RALGPS2: variants seen among roughly 807,000 people sequenced by gnomAD.
RALGPS2 encodes ras-specific guanine nucleotide-releasing factor RalGPS2.
RALGPS2 carries 43 observed loss-of-function variants against 86.8 expected under a neutral mutation model. That is an observed-to-expected ratio of 0.50 (90% CI 0.39 to 0.64). RALGPS2 has a LOEUF of 0.64. Among genes scored for constraint, RALGPS2 ranks in the 30% least tolerant of loss-of-function variants. RALGPS2 has a pLI of 0.00. For missense variants in RALGPS2, 536 were observed against 694.6 expected (o/e 0.77, Z 2.57); for synonymous variants, 243 against 231.3 (o/e 1.05, Z -0.46).
intron 7 of RALGPS2, among the ~76,000 whole-genome samples, chr1:178,824,687 T>C (rs1035155948): frequency 2.0e-5 from 3 of 152,032 alleles, no homozygotes; most frequent in African/African-American, 7.2e-5. Context: ...TGGGCGCCTG[T>C]AGTCCCAGCT....
chr1:178,730,700 T>C (rs1390358823), intron 1 of RALGPS2, among the ~76,000 whole-genome samples: 1 of 151,184 alleles, frequency 6.6e-6, no homozygotes, highest in Non-Finnish European at 1.5e-5. Flanking sequence ...TTCTGTTTTT[T>C]TTTTTGTTTT....
intron 1 of RALGPS2, among the ~76,000 whole-genome samples, chr1:178,774,708 G>A (rs748682793): frequency 2.2e-4 from 34 of 152,264 alleles, no homozygotes; most frequent in Non-Finnish European, 3.8e-4. Flanking sequence ...TCATTTTCAC[G>A]TTGATTTTCT....
chr1:178,821,865 T>C (rs1655523383), intron 7 of RALGPS2, among the ~76,000 whole-genome samples, 161 bp downstream of exon 7: 1 of 152,230 alleles, frequency 6.6e-6, no homozygotes, highest in Non-Finnish European at 1.5e-5. Context: ...TTTTTTCTCC[T>C]TAAGCAGTGC....
chr1:178,827,721 G>A (rs1020460277), intron 7 of RALGPS2, among the ~76,000 whole-genome samples: 5 of 152,142 alleles, frequency 3.3e-5, no homozygotes, highest in African/African-American at 1.2e-4. Flanking sequence ...AAAATACACT[G>A]TGAAGCTATA....
chr1:178,795,201 A>G (rs1382115192), intron 4 of RALGPS2, among the ~76,000 whole-genome samples: 3 of 151,794 alleles, frequency 2.0e-5, no homozygotes, highest in African/African-American at 7.3e-5. Flanking sequence ...AGCAAAGAAG[A>G]AAGTTTTATA....
intron 6 of RALGPS2, among the ~76,000 whole-genome samples, chr1:178,814,251 T>C (rs1655125171): frequency 6.6e-6 from 1 of 152,264 alleles, no homozygotes; most frequent in Admixed American, 6.5e-5. Context: ...AGTAGCTCTG[T>C]TGTAGAGTAT....
chr1:178,787,886 A>C (rs1325795901), intron 4 of RALGPS2, among the ~76,000 whole-genome samples: 1 of 152,190 alleles, frequency 6.6e-6, no homozygotes, highest in Non-Finnish European at 1.5e-5. Context: ...TTTTTTACCC[A>C]GTAGCCATGG....
chr1:178,845,117 A>C (rs1402823342), intron 8 of RALGPS2, among the ~76,000 whole-genome samples: 2 of 151,872 alleles, frequency 1.3e-5, no homozygotes, highest in South Asian at 2.1e-4. Context: ...AAAAAAAAAA[A>C]CCATATTTTT....
At chr1:178,785,310 C>A (rs1396916258) in intron 3 of RALGPS2, among the ~76,000 whole-genome samples, 1 of 151,704 alleles carries the variant, frequency 6.6e-6, no homozygotes, top group Non-Finnish European at 1.5e-5. Context: ...ATGTGACTGT[C>A]CAAATTTTTA....
At chr1:178,844,835 T>A (rs1038240821) in intron 8 of RALGPS2, among the ~76,000 whole-genome samples, 2 of 152,190 alleles carry the variant, frequency 1.3e-5, no homozygotes, top group African/African-American at 4.8e-5. Context: ...GTGCTTTTTC[T>A]AAGCCTCATT....
At chr1:178,781,699 T>G (rs1214058071) in intron 2 of RALGPS2, among the ~76,000 whole-genome samples, 2 of 152,174 alleles carry the variant, frequency 1.3e-5, no homozygotes, top group Non-Finnish European at 2.9e-5. Context: ...TTGGAGAAAA[T>G]TACTGATTTA....
intron 8 of RALGPS2, among the ~76,000 whole-genome samples, chr1:178,844,636 A>G (rs865873737): frequency 6.6e-6 from 1 of 152,174 alleles, no homozygotes; most frequent in Non-Finnish European, 1.5e-5. Flanking sequence ...AAATTGCTTT[A>G]TAAGAGAATT....
At chr1:178,814,945 G>A (rs1447564211) in intron 6 of RALGPS2, among the ~76,000 whole-genome samples, 1 of 152,186 alleles carries the variant, frequency 6.6e-6, no homozygotes, top group Non-Finnish European at 1.5e-5. Context: ...CATTGAATCT[G>A]ATAGGAGTGA....
intron 2 of RALGPS2, among the ~76,000 whole-genome samples, chr1:178,781,493 T>TGAA (rs1653392762): frequency 2.0e-5 from 3 of 152,226 alleles, no homozygotes; most frequent in African/African-American, 4.8e-5. Context: ...ATTATTGCTA[T>TGAA]TCTCCTGGTG....
chr1:178,852,748 T>C, intron 8 of RALGPS2: 1 of 1,613,956 alleles, frequency 6.2e-7, no homozygotes, highest in Non-Finnish European at 8.5e-7. Context: ...CATCATAGAA[T>C]CCCCTGCATT....
intron 4 of RALGPS2, among the ~76,000 whole-genome samples, chr1:178,789,504 T>G (rs1004353786): frequency 6.6e-6 from 1 of 152,216 alleles, no homozygotes; most frequent in African/African-American, 2.4e-5. Flanking sequence ...TAAAATATAA[T>G]GCACAATGCA....
In RALGPS2 at chr1:178,921,358, A is replaced by G. The variant is rs973222164; in HGVS notation, c.*4999A>G. 2.6e-5 allele frequency: 4 copies of G among 152,052 alleles called. No individual in the cohort carries two copies. In the South Asian group the frequency reaches 6.2e-4, roughly 24 times the overall value. 9.4% of individuals were successfully genotyped at this position (152,052 alleles called of 1,614,324 possible). A position where few individuals can be genotyped will look rare whatever the true frequency, so the allele number is the denominator to read the frequency against. On this transcript the variant is annotated 3_prime_UTR_variant, in exon 20 of 20. Coordinates refer to ENST00000367635, the MANE Select transcript of RALGPS2 (RefSeq NM_152663.5). The stretch of plus-strand genomic sequence containing the variant: ...AACAAATATTGTTTCCCCTGAAGAT[A>G]TGACCTACTAGAACTACTCACATAT...
At chr1:178,889,602 A>T (rs780630030) in intron 13 of RALGPS2, 40 bp from the exon 14 acceptor site, 1 of 1,332,710 alleles carries the variant, frequency 7.5e-7, no homozygotes, top group Admixed American at 1.8e-5. Flanking sequence ...CTAGAGAGGT[A>T]ATTCTGATGT....
Position 178,851,139 on chromosome 1 carries a change from G to A in RALGPS2, c.607+17589G>A, listed in dbSNP as rs968055918. ...GGCGAGTGTCTCTCTTCAGTCAATA[G>A]GCTTGATCATCATCTGAACTGCTCT... is the stretch of plus-strand genomic sequence containing the variant. On this transcript the variant is annotated intron_variant, in intron 8 of 19. Coordinates refer to ENST00000367635, the MANE Select transcript of RALGPS2 (RefSeq NM_152663.5). The A allele has an allele frequency of 1.9e-6, 3 of 1,612,842 alleles. No homozygotes were observed. In the African/African-American group the frequency reaches 4.0e-5, roughly 22 times the overall value.
Sources: gnomAD v4.1 joint callset for allele counts (sites outside exome capture counted in the v4.1 genomes callset) on GRCh38, gnomAD v4.1.1 for gene constraint, MANE v1.5 for transcripts, NCBI Gene and HGNC (gene_info 2026-07-23, HGNC 2026-07-21) for gene names.